FOXP2: variants seen among roughly 807,000 people sequenced by gnomAD.
FOXP2 encodes the protein forkhead box P2.
FOXP2 carries 12 observed loss-of-function variants against 115.8 expected under a neutral mutation model. That is an observed-to-expected ratio of 0.10 (90% confidence interval 0.07 to 0.17). The LOEUF (loss-of-function observed/expected upper bound fraction) is 0.17, where lower values mean the gene tolerates loss of function less well. Among genes scored for constraint, FOXP2 ranks in the 10% least tolerant of loss-of-function variants. The pLI is 1.00. For synonymous variants in FOXP2, 328 were observed against 297.7 expected (o/e 1.10, Z -1.05); for missense variants, 629 against 843.5 (o/e 0.75, Z 3.15).
At chr7:114,186,661 C>G (rs1793614715) in intron 1 of FOXP2, among the ~76,000 whole-genome samples, 1 of 152,142 alleles carries the variant, frequency 6.6e-6, no homozygotes, top group Non-Finnish European at 1.5e-5. Context: ...TGCAGATGGC[C>G]TCATCGCTGT....
intron 1 of FOXP2, among the ~76,000 whole-genome samples, chr7:114,100,589 C>A (rs549286625): frequency 1.3e-4 from 20 of 152,048 alleles, no homozygotes; most frequent in African/African-American, 4.6e-4. Context: ...AATTCTAATT[C>A]TTTTATTTAT....
At chr7:114,211,845 G>A (rs1794360539) in intron 1 of FOXP2, among the ~76,000 whole-genome samples, 1 of 152,036 alleles carries the variant, frequency 6.6e-6, no homozygotes, top group Admixed American at 6.6e-5. Flanking sequence ...GGCCAGGGAG[G>A]GCAGATCACC....
chr7:114,624,431 G>T (rs1804417932), intron 3 of FOXP2, among the ~76,000 whole-genome samples: 2 of 151,848 alleles, frequency 1.3e-5, no homozygotes, highest in Non-Finnish European at 3.0e-5. Flanking sequence ...GTCATCTATA[G>T]ATTGTGACTG....
chr7:114,326,919 A>C (rs1443052804), intron 2 of FOXP2, among the ~76,000 whole-genome samples: 1 of 152,184 alleles, frequency 6.6e-6, no homozygotes, highest in Non-Finnish European at 1.5e-5. Flanking sequence ...CCTGTATTGG[A>C]CATCCTTCAA....
chr7:114,501,650 TAGAA>T (rs1316708855), intron 2 of FOXP2, among the ~76,000 whole-genome samples: 3 of 152,100 alleles, frequency 2.0e-5, no homozygotes, highest in Non-Finnish European at 2.9e-5. Flanking sequence ...TCTTTTCAAA[TAGAA>T]AGAAAATATA....
At chr7:114,605,084 T>C (rs1301821003) in intron 3 of FOXP2, among the ~76,000 whole-genome samples, 1 of 152,178 alleles carries the variant, frequency 6.6e-6, no homozygotes, top group African/African-American at 2.4e-5. Context: ...ACCCACAGTA[T>C]GGTTTAACTC....
rs571705848 is a variant in FOXP2 at position 114,185,455 on chromosome 7, T to C, written c.-102+22367T>C. Among the ~76,000 whole-genome samples, 19 of 152,328 alleles carry C rather than the reference T, an allele frequency of 1.2e-4. No homozygotes were observed. The East Asian group carries it at 3.5e-3, about 28-fold the overall frequency. On this transcript the variant is annotated intron_variant, in intron 1 of 17. Coordinates refer to the FOXP2 transcript ENST00000634411. ...AATAAAGCCTATCTCAAAGGGTTGTTATGGAAATTAAATCAAACTTTGCAA... is the reference window on the plus strand; with the variant it reads ...AATAAAGCCTATCTCAAAGGGTTGTCATGGAAATTAAATCAAACTTTGCAA...
At chr7:114,131,147 C>G (rs1428285264) in intron 1 of FOXP2, among the ~76,000 whole-genome samples, 6 of 152,104 alleles carry the variant, frequency 3.9e-5, no homozygotes, top group Admixed American at 3.9e-4. Flanking sequence ...ATTTGTTTAC[C>G]AGATCATATG....
At chr7:114,359,025 T>C (rs368292856) in intron 2 of FOXP2, among the ~76,000 whole-genome samples, 1 of 152,088 alleles carries the variant, frequency 6.6e-6, no homozygotes, top group Admixed American at 6.5e-5. Flanking sequence ...CTTCAGGGCT[T>C]ATCAAAGGTC....
chr7:114,178,963 A>T (rs1793386609), intron 1 of FOXP2, among the ~76,000 whole-genome samples: 1 of 151,508 alleles, frequency 6.6e-6, no homozygotes, highest in South Asian at 2.1e-4. Context: ...TGAACAAAAC[A>T]CAGTCAAATA....
At chr7:114,254,853 G>C (rs996894930) in intron 1 of FOXP2, among the ~76,000 whole-genome samples, 1 of 152,214 alleles carries the variant, frequency 6.6e-6, no homozygotes, top group Non-Finnish European at 1.5e-5. Context: ...CGTTCCTTTG[G>C]AGGGGGAGAC....
upstream of FOXP2, among the ~76,000 whole-genome samples, chr7:114,159,841 T>A (rs75775519): frequency 1.1e-3 from 166 of 152,334 alleles, 3 homozygotes; most frequent in East Asian, 0.03. Flanking sequence ...CATGTATACA[T>A]AGGAGCCCTC....
intron 2 of FOXP2, among the ~76,000 whole-genome samples, chr7:114,507,373 A>G (rs2129257806): frequency 6.6e-6 from 1 of 152,028 alleles, no homozygotes; most frequent in East Asian, 1.9e-4. Flanking sequence ...CATAATTGTG[A>G]TGATGTGTTT....
At chr7:114,203,563 C>G (rs1024582802) in intron 1 of FOXP2, among the ~76,000 whole-genome samples, 1 of 152,132 alleles carries the variant, frequency 6.6e-6, no homozygotes, top group African/African-American at 2.4e-5. Context: ...AGGCTTGGCT[C>G]AAACTCCTGG....
At chr7:114,192,855 C>T (rs1037380981) in intron 1 of FOXP2, among the ~76,000 whole-genome samples, 2 of 152,124 alleles carry the variant, frequency 1.3e-5, no homozygotes, top group Non-Finnish European at 2.9e-5. Flanking sequence ...TGAAGGAATT[C>T]TCAACACCTT....
chr7:114,176,167 T>G (rs1038759135), intron 1 of FOXP2, among the ~76,000 whole-genome samples: 2 of 147,374 alleles, frequency 1.4e-5, no homozygotes, highest in African/African-American at 2.5e-5. Flanking sequence ...CCACACAGGT[T>G]TGATTTCTCT....
chr7:114,518,689 A>G (rs1327290077), intron 2 of FOXP2, among the ~76,000 whole-genome samples: 1 of 152,118 alleles, frequency 6.6e-6, no homozygotes, highest in African/African-American at 2.4e-5. Flanking sequence ...TATTTTTAGT[A>G]GAGACAGGCT....
chr7:114,544,554 A>G (rs1257967515), intron 3 of FOXP2, among the ~76,000 whole-genome samples: 1 of 152,216 alleles, frequency 6.6e-6, no homozygotes, highest in Non-Finnish European at 1.5e-5. Flanking sequence ...GCATTGCTGT[A>G]AAAGCTGCCA....
intron 1 of FOXP2, among the ~76,000 whole-genome samples, chr7:114,200,860 T>TA (rs1340617364): frequency 6.6e-6 from 1 of 152,134 alleles, no homozygotes; most frequent in Non-Finnish European, 1.5e-5. Flanking sequence ...CTTTCATAAT[T>TA]AAAAAATAAC....
Sources: gnomAD v4.1 joint callset for allele counts (sites outside exome capture counted in the v4.1 genomes callset) on GRCh38, gnomAD v4.1.1 for gene constraint, MANE v1.5 for transcripts, NCBI Gene and HGNC (gene_info 2026-07-23, HGNC 2026-07-21) for gene names.